ADAMTS6: variants seen among roughly 807,000 people sequenced by gnomAD.
ADAMTS6 encodes ADAM metallopeptidase with thrombospondin type 1 motif 6, also known as A disintegrin and metalloproteinase with thrombospondin motifs 6.
In ADAMTS6, 23 loss-of-function variants were observed where a neutral mutation model predicts 144.3. That is an observed-to-expected ratio of 0.16 (90% CI 0.11 to 0.23). The LOEUF (loss-of-function observed/expected upper bound fraction) is 0.23, where lower values mean the gene tolerates loss of function less well. Ranked by LOEUF, ADAMTS6 falls within the 10% of genes least tolerant of loss-of-function variation. The pLI is 1.00. For missense variants in ADAMTS6, 999 were observed against 1,379.6 expected (o/e 0.72, Z 4.37); for synonymous variants, 444 against 457.5 (o/e 0.97, Z 0.38).
intron 20 of ADAMTS6, chr5:65,210,450 CAAAAAAA>C: frequency 4.9e-5 from 5 of 102,286 alleles, no homozygotes; most frequent in South Asian, 2.0e-4. Context: ...AACTCCGTCT[CAAAAAAA>C]AAAAAAAAAA....
rs1004900073 is a variant in ADAMTS6, at chr5:65,187,961, G to A, written c.2910+55C>T. The A allele has an allele frequency of 3.8e-6, 6 of 1,571,532 alleles. No homozygotes were observed. The African/African-American group carries it at 8.1e-5, about 21-fold the overall frequency. On this transcript the variant is annotated intron_variant, in intron 22 of 24. Coordinates refer to ENST00000381055, the MANE Select transcript of ADAMTS6 (RefSeq NM_197941.4). The stretch of plus-strand genomic sequence containing the variant: ...GGTGTCCTTAATATTAACTGCTTTA[G>A]GATAGATAGTTAGGACATTTCAAAA...
At chr5:65,478,084 G>A (rs1371424189) in intron 1 of ADAMTS6, among the ~76,000 whole-genome samples, 6 of 151,710 alleles carry the variant, frequency 4.0e-5, no homozygotes, top group African/African-American at 1.2e-4. Flanking sequence ...CCAAGATCAC[G>A]CCACTGCACT....
At position 65,471,022 on chromosome 5, in the gene ADAMTS6, A is replaced by G. The variant is rs750193381; in HGVS notation, c.218T>C (p.Met73Thr). The G allele has an allele frequency of 1.2e-6, 2 of 1,612,902 alleles. No homozygotes were observed. Among genetic ancestry groups the G allele is most frequent in the Admixed American group, 1.7e-5 (1 of 59,816 alleles). ...NDKHSRRRRS[M>T]DPIDPQQAVS... ...TGCCTGCTGTGGATCAATAGGGTCC[A>G]TACTCCGTCTTCTCCTTGAGTGTTT... The change falls in exon 3 of 25, where the codon ATG becomes ACG. Residue 73 changes from methionine to threonine, a missense_variant. Met to Thr is a moderately conservative substitution (Grantham distance 81). Coordinates refer to ENST00000381055, the MANE Select transcript of ADAMTS6 (RefSeq NM_197941.4).
intron 7 of ADAMTS6, among the ~76,000 whole-genome samples, chr5:65,359,193 G>A (rs1482341446): frequency 6.6e-6 from 1 of 151,802 alleles, no homozygotes; most frequent in Non-Finnish European, 1.5e-5. Flanking sequence ...AAACCAATCA[G>A]CCAATTAAAA....
chr5:65,460,230 A>G lies in ADAMTS6; in HGVS notation c.571T>C (p.Tyr191His), dbSNP rs540015081. Residue 191 changes from tyrosine to histidine, a missense_variant, in exon 4 of 25, where the codon TAC becomes CAC. This residue lies in a region of ADAMTS6 where 252 missense variants were observed against 293.7 expected (regional missense o/e 0.86). Transcript: ENST00000381055. The part of the protein sequence containing the change: ...SYENGHPHVI[Y>H]KKSALQQRHL... The stretch of plus-strand genomic sequence containing the variant: ...CGTTGTTGAAGGGCAGACTTTTTGT[A>G]AATAACATGAGGGTGGCCATTTTCA... The G allele has an allele frequency of 6.2e-7, 1 of 1,614,134 alleles. No individual in the cohort carries two copies. Among genetic ancestry groups the G allele is most frequent in the Non-Finnish European group, 8.5e-7 (1 of 1,179,984 alleles).
At chr5:65,194,918 C>T (rs1755239518) in intron 21 of ADAMTS6, among the ~76,000 whole-genome samples, 1 of 152,162 alleles carries the variant, frequency 6.6e-6, no homozygotes, top group Non-Finnish European at 1.5e-5. Flanking sequence ...CAATGTAATA[C>T]TCAAACACAC....
intron 18 of ADAMTS6, among the ~76,000 whole-genome samples, chr5:65,222,347 A>G (rs1372019188): frequency 1.3e-5 from 2 of 152,182 alleles, no homozygotes; most frequent in African/African-American, 2.4e-5. Context: ...TGTCAGGGTA[A>G]TTCAATGGAA....
intron 7 of ADAMTS6, among the ~76,000 whole-genome samples, chr5:65,375,581 G>C (rs1268003445): frequency 6.6e-6 from 1 of 152,080 alleles, no homozygotes; most frequent in Non-Finnish European, 1.5e-5. Context: ...ACATCAGTTA[G>C]AATGGCAATC....
rs573392627 is a variant in ADAMTS6, at chr5:65,187,062, T to C, written c.2910+954A>G. 1.1e-4 allele frequency among the ~76,000 whole-genome samples: 17 copies of C among 152,364 alleles called. No individual in the cohort carries two copies. In the South Asian group the frequency reaches 3.3e-3, roughly 30 times the overall value. On this transcript the variant is annotated intron_variant, in intron 22 of 24. Coordinates refer to ENST00000381055, the MANE Select transcript of ADAMTS6 (RefSeq NM_197941.4). ...GTCTACAGGAAATACCCAAAGCAAGTACCACAATGTTTCTGGCAGGATATA... is the reference window on the plus strand; with the variant it reads ...GTCTACAGGAAATACCCAAAGCAAGCACCACAATGTTTCTGGCAGGATATA...
intron 9 of ADAMTS6, among the ~76,000 whole-genome samples, chr5:65,318,194 A>G (rs916066492): frequency 6.6e-6 from 1 of 152,176 alleles, no homozygotes; most frequent in African/African-American, 2.4e-5. Flanking sequence ...ATCTCACCCC[A>G]GTTAAAATGG....
intron 7 of ADAMTS6, among the ~76,000 whole-genome samples, chr5:65,418,535 A>C (rs904743465): frequency 2.6e-5 from 4 of 152,194 alleles, no homozygotes; most frequent in Non-Finnish European, 5.9e-5. Context: ...CAAGTACCCC[A>C]TGTACATTTA....
chr5:65,424,713 A>C (rs1299913424), intron 7 of ADAMTS6, among the ~76,000 whole-genome samples: 2 of 152,234 alleles, frequency 1.3e-5, no homozygotes, highest in Non-Finnish European at 2.9e-5. Context: ...AAAAAAGTAC[A>C]CACAGACAAA....
chr5:65,219,355 A>AC (rs1240663170), intron 18 of ADAMTS6, among the ~76,000 whole-genome samples: 2 of 151,912 alleles, frequency 1.3e-5, no homozygotes, highest in African/African-American at 4.8e-5. Flanking sequence ...CCGACCCCCA[A>AC]CCCCCCCACC....
intron 7 of ADAMTS6, among the ~76,000 whole-genome samples, chr5:65,430,517 T>C (rs1428023534): frequency 6.6e-6 from 1 of 152,176 alleles, no homozygotes; most frequent in Non-Finnish European, 1.5e-5. Context: ...AGAAACTGGA[T>C]GGTCTCACAG....
chr5:65,233,669 TG>T, intron 15 of ADAMTS6, among the ~76,000 whole-genome samples: 2 of 152,194 alleles, frequency 1.3e-5, no homozygotes, highest in South Asian at 4.1e-4. Flanking sequence ...GTTCATGGAT[TG>T]GAAAGATCAA....
Position 65,323,904 on chromosome 5 carries a change from C to T in ADAMTS6, c.1223+5474G>A, listed in dbSNP as rs1311701904. Among the ~76,000 whole-genome samples, 11 of 152,178 alleles carry T rather than the reference C, an allele frequency of 7.2e-5. No individual in the cohort carries two copies. In the East Asian group the frequency reaches 1.2e-3, roughly 16 times the overall value. On this transcript the variant is annotated intron_variant, in intron 9 of 24. Coordinates refer to ENST00000381055, the MANE Select transcript of ADAMTS6 (RefSeq NM_197941.4). Reference sequence around the variant, plus strand: ...CATTTTTTCATGTGTTTTTTGGCTGCGTAAATGTCTTCTTTTGAGAAGCGT... The same window carrying T: ...CATTTTTTCATGTGTTTTTTGGCTGTGTAAATGTCTTCTTTTGAGAAGCGT...
At chr5:65,205,281 C>G (rs115153571) in intron 20 of ADAMTS6, among the ~76,000 whole-genome samples, 1 of 152,088 alleles carries the variant, frequency 6.6e-6, no homozygotes, top group African/African-American at 2.4e-5. Flanking sequence ...GTCTCAGAAC[C>G]CTTGTTTGTT....
intron 14 of ADAMTS6, among the ~76,000 whole-genome samples, chr5:65,245,611 T>TATCATC (rs747549838): frequency 1.1e-4 from 16 of 152,118 alleles, no homozygotes; most frequent in Non-Finnish European, 1.9e-4. Context: ...ATACAACAGT[T>TATCATC]ATCATCATCA....
chr5:65,284,681 A>C (rs1763231896), intron 11 of ADAMTS6, among the ~76,000 whole-genome samples: 2 of 152,128 alleles, frequency 1.3e-5, no homozygotes, highest in Admixed American at 1.3e-4. Context: ...CATCTAATTG[A>C]GGTAAGTAGA....
Sources: gnomAD v4.1 joint callset for allele counts (sites outside exome capture counted in the v4.1 genomes callset) on GRCh38, gnomAD v4.1.1 for gene constraint, gnomAD v4.1.1 regional missense constraint, MANE v1.5 for transcripts, NCBI Gene and HGNC (gene_info 2026-07-23, HGNC 2026-07-21) for gene names.